The following SNTG1 variants were observed in gnomAD, a reference collection of about 807,000 sequenced individuals.
SNTG1 encodes the protein syntrophin gamma 1.
A neutral mutation model predicts 74.7 loss-of-function variants in SNTG1; 39 were observed. That is an observed-to-expected ratio of 0.52 (90% CI 0.40 to 0.68). The LOEUF (loss-of-function observed/expected upper bound fraction) is 0.68. SNTG1 is among the 30% of genes least tolerant of loss of function. SNTG1 has a pLI of 0.00. For synonymous variants in SNTG1, 254 were observed against 217.1 expected (o/e 1.17, Z -1.49); for missense variants, 685 against 609.5 (o/e 1.12, Z -1.30).
At chr8:50,494,138 C>A (rs1190148617) in intron 8 of SNTG1, among the ~76,000 whole-genome samples, 1 of 151,388 alleles carries the variant, frequency 6.6e-6, no homozygotes, top group Non-Finnish European at 1.5e-5. Context: ...CACACACACA[C>A]ACATATATAT....
At chr8:50,542,280 C>T (rs1288681154) in intron 11 of SNTG1, among the ~76,000 whole-genome samples, 2 of 151,164 alleles carry the variant, frequency 1.3e-5, no homozygotes, top group African/African-American at 4.9e-5. Context: ...TTCAGTCTCC[C>T]GAGTAGCTGG....
At chr8:50,353,425 T>C (rs115501726) in intron 2 of SNTG1, among the ~76,000 whole-genome samples, 1,580 of 152,240 alleles carry the variant, frequency 0.01, 31 homozygotes, top group African/African-American at 0.036. Context: ...AGAACACTTT[T>C]AGCATTATCC....
intron 2 of SNTG1, among the ~76,000 whole-genome samples, chr8:50,317,882 G>T (rs13249910): frequency 0.47 from 71,449 of 151,378 alleles, 19,192 homozygotes; most frequent in East Asian, 0.83. Context: ...TGTCGCCCAG[G>T]CTTGAGTGCA....
chr8:50,310,031 T>G (rs1188385966), intron 2 of SNTG1, among the ~76,000 whole-genome samples: 1 of 152,200 alleles, frequency 6.6e-6, no homozygotes, highest in Non-Finnish European at 1.5e-5. Flanking sequence ...CAATATTAAT[T>G]GAAACTCAAT....
chr8:50,071,367 G>T (rs191878452), intron 1 of SNTG1, among the ~76,000 whole-genome samples: 2 of 151,398 alleles, frequency 1.3e-5, no homozygotes, highest in African/African-American at 4.9e-5. Context: ...TCAGAGATGG[G>T]GTCTTGTTAT....
At chr8:50,036,718 C>A (rs777038053) in intron 1 of SNTG1, among the ~76,000 whole-genome samples, 2 of 152,132 alleles carry the variant, frequency 1.3e-5, no homozygotes, top group Non-Finnish European at 2.9e-5. Context: ...ATATTTATTT[C>A]TTATGCATAA....
Position 50,045,130 on chromosome 8 carries a change from G to A in SNTG1, c.-102-127431G>A, listed in dbSNP as rs114460104. ...GCACATGTGCTGGAAGTCAGAAAAC[G>A]TGGGTTGACATCCGAGCCCAGTCCC... On this transcript the variant is annotated intron_variant, in intron 1 of 18. Coordinates refer to ENST00000642720, the MANE Select transcript of SNTG1 (RefSeq NM_018967.5). 5.2e-3 allele frequency among the ~76,000 whole-genome samples: 788 copies of A among 152,266 alleles called. 15 individuals are homozygous for A. The highest frequency in any genetic ancestry group is 0.018 in the African/African-American group (761 of 41,538).
At chr8:50,508,612 C>G (rs951238668) in intron 9 of SNTG1, among the ~76,000 whole-genome samples, 7 of 152,208 alleles carry the variant, frequency 4.6e-5, no homozygotes, top group African/African-American at 1.7e-4. Flanking sequence ...GATCGCCATT[C>G]TAACTGGTGT....
intron 1 of SNTG1, among the ~76,000 whole-genome samples, chr8:50,043,116 A>G (rs539475799): frequency 3.9e-5 from 6 of 152,268 alleles, no homozygotes; most frequent in African/African-American, 1.4e-4. Flanking sequence ...AGATAACACA[A>G]TTTTATGCAC....
In SNTG1 at chr8:50,527,298, A is replaced by G. The variant is rs575257220; in HGVS notation, c.467-2879A>G. ...TTTCTCTTAGTCTTTGTATATCTAC[A>G]TTTTTCACTTGAGGTTGTCTTTGTT... On this transcript the variant is annotated intron_variant, in intron 9 of 18. Transcript: ENST00000642720. Among the ~76,000 whole-genome samples the G allele has an allele frequency of 2.7e-4, 41 of 152,188 alleles. 1 individual carries two copies. The South Asian group carries it at 8.1e-3, about 30-fold the overall frequency.
chr8:50,675,066 A>G (rs927301759), intron 15 of SNTG1, among the ~76,000 whole-genome samples: 1 of 152,036 alleles, frequency 6.6e-6, no homozygotes, highest in Non-Finnish European at 1.5e-5. Flanking sequence ...GCATTTTCTC[A>G]TGAGTGTCTT....
chr8:50,584,941 C>G (rs1166609726), intron 12 of SNTG1, among the ~76,000 whole-genome samples: 1 of 151,970 alleles, frequency 6.6e-6, no homozygotes, highest in African/African-American at 2.4e-5. Context: ...CCTGGAAAGC[C>G]CAAAGTGCTT....
chr8:50,545,786 G>A (rs927411435), intron 11 of SNTG1, among the ~76,000 whole-genome samples: 11 of 152,212 alleles, frequency 7.2e-5, no homozygotes, highest in Middle Eastern at 3.4e-3. Context: ...AGATGAAGAC[G>A]TTTCAGATGG....
chr8:50,405,054 G>A lies in SNTG1; in HGVS notation c.162+2710G>A, dbSNP rs532924315. Among the ~76,000 whole-genome samples, 384 of 151,968 alleles carry A rather than the reference G, an allele frequency of 2.5e-3. 2 individuals are homozygous for A. Among genetic ancestry groups the A allele is most frequent in the African/African-American group, 8.9e-3 (367 of 41,462 alleles). ...CCACCTTTTGTTTATCTTCTCACTCGGTAGTAAACATTGAGGTTGTTTCCA... is the reference window on the plus strand; with the variant it reads ...CCACCTTTTGTTTATCTTCTCACTCAGTAGTAAACATTGAGGTTGTTTCCA... On this transcript the variant is annotated intron_variant, in intron 4 of 18. Transcript: ENST00000642720.
chr8:50,374,935 C>T lies in SNTG1; in HGVS notation c.-27-19277C>T, dbSNP rs144945853. 3.3e-4 allele frequency among the ~76,000 whole-genome samples: 50 copies of T among 152,264 alleles called. No homozygotes were observed. In the East Asian group the frequency reaches 9.5e-3, roughly 29 times the overall value. ...GTGAAGAAAGAAAGTCACAAACTCA[C>T]TACCTCAGGCACTGGGAAGTAAAAT... is the stretch of plus-strand genomic sequence containing the variant. On this transcript the variant is annotated intron_variant, in intron 2 of 18. Transcript: ENST00000642720.
intron 1 of SNTG1, among the ~76,000 whole-genome samples, chr8:50,098,869 T>C (rs574704755): frequency 6.6e-5 from 10 of 152,240 alleles, no homozygotes; most frequent in Non-Finnish European, 1.0e-4. Context: ...TTGGAGTTCA[T>C]AACCTAGCAA....
At chr8:50,580,787 T>C (rs1268561211) in intron 12 of SNTG1, among the ~76,000 whole-genome samples, 1 of 152,114 alleles carries the variant, frequency 6.6e-6, no homozygotes, top group Non-Finnish European at 1.5e-5. Flanking sequence ...CATTATAAAT[T>C]ACCCAGTCTT....
intron 1 of SNTG1, among the ~76,000 whole-genome samples, chr8:49,928,715 A>G (rs1305276312): frequency 6.6e-6 from 1 of 152,058 alleles, no homozygotes; most frequent in Non-Finnish European, 1.5e-5. Flanking sequence ...AAAATTAGAA[A>G]ATTTTCTTGT....
intron 2 of SNTG1, among the ~76,000 whole-genome samples, chr8:50,303,918 T>C (rs1030731108): frequency 7.0e-6 from 1 of 142,894 alleles, no homozygotes; most frequent in Non-Finnish European, 1.5e-5. Context: ...GCTGCTTTCT[T>C]CTATTTCTGC....
Sources: allele counts gnomAD v4.1 joint callset (sites outside exome capture counted in the v4.1 genomes callset), GRCh38; gene constraint gnomAD v4.1.1; transcripts MANE v1.5; gene names NCBI Gene and HGNC (gene_info 2026-07-23, HGNC 2026-07-21).